GDA: variants seen among roughly 807,000 people sequenced by gnomAD.
GDA encodes cytoplasmic PSD-95 interactor.
GDA carries 18 observed loss-of-function variants against 59.6 expected under a neutral mutation model. The observed-to-expected ratio is 0.30, with a 90% confidence interval of 0.21 to 0.45. GDA has a LOEUF of 0.45. GDA is among the 20% of genes least tolerant of loss of function. GDA has a pLI of 1.00. For missense variants in GDA, 427 were observed against 552.3 expected (o/e 0.77, Z 2.27); for synonymous variants, 201 against 201.1 (o/e 1.00, Z 0.00).
intron 1 of GDA, among the ~76,000 whole-genome samples, chr9:72,119,029 A>G (rs1825568003): frequency 6.6e-6 from 1 of 152,210 alleles, no homozygotes; most frequent in Admixed American, 6.5e-5. Context: ...AAATGATTAA[A>G]AAAGAAAACA....
intron 7 of GDA, among the ~76,000 whole-genome samples, chr9:72,223,744 C>T (rs934780253): frequency 6.6e-6 from 1 of 152,176 alleles, no homozygotes; most frequent in African/African-American, 2.4e-5. Flanking sequence ...CTTGCTTTGT[C>T]ATTAAATTGT....
intron 1 of GDA, among the ~76,000 whole-genome samples, chr9:72,186,521 C>T (rs1831879182): frequency 6.6e-6 from 1 of 152,154 alleles, no homozygotes; most frequent in Admixed American, 6.5e-5. Flanking sequence ...TTTATTTTCA[C>T]CATAACCCTC....
intron 12 of GDA, 84 bp downstream of exon 12, chr9:72,245,362 G>T (rs747790220): frequency 8.0e-6 from 8 of 1,003,170 alleles, no homozygotes; most frequent in Non-Finnish European, 1.1e-5. Flanking sequence ...AATAGAAACC[G>T]AAACTTTTTA....
chr9:72,175,270 G>A (rs988223441), intron 1 of GDA, among the ~76,000 whole-genome samples: 3 of 152,092 alleles, frequency 2.0e-5, no homozygotes, highest in African/African-American at 7.2e-5. Context: ...GAGCTCAAGC[G>A]ATCTTCCTGC....
chr9:72,139,344 C>T (rs139486638), intron 1 of GDA, among the ~76,000 whole-genome samples: 1 of 152,242 alleles, frequency 6.6e-6, no homozygotes, highest in African/African-American at 2.4e-5. Context: ...CATTGAAATA[C>T]ATATATCAAA....
At chr9:72,242,376 A>T (rs1372752396) in intron 11 of GDA, among the ~76,000 whole-genome samples, 1 of 152,246 alleles carries the variant, frequency 6.6e-6, no homozygotes, top group Non-Finnish European at 1.5e-5. Flanking sequence ...GGAAAAAAAT[A>T]AAAATTGGTC....
intron 3 of GDA, among the ~76,000 whole-genome samples, chr9:72,208,934 TAG>T (rs1835038661): frequency 1.3e-5 from 2 of 152,230 alleles, no homozygotes; most frequent in Admixed American, 6.5e-5. Flanking sequence ...ACCTATATAA[TAG>T]AGCGTTTTCT....
intron 1 of GDA, among the ~76,000 whole-genome samples, chr9:72,187,748 AC>A (rs1479041064): frequency 1.3e-5 from 2 of 152,216 alleles, no homozygotes; most frequent in Non-Finnish European, 2.9e-5. Flanking sequence ...AGAAGAGAAG[AC>A]TGGGGAAAGT....
intron 1 of GDA, among the ~76,000 whole-genome samples, chr9:72,144,022 G>A (rs1826535404): frequency 6.6e-6 from 1 of 152,152 alleles, no homozygotes; most frequent in Non-Finnish European, 1.5e-5. Flanking sequence ...AGAAGTTCGA[G>A]ACCAGCCTGG....
intron 1 of GDA, among the ~76,000 whole-genome samples, chr9:72,128,243 G>C (rs1825912891): frequency 6.6e-6 from 1 of 152,148 alleles, no homozygotes; most frequent in South Asian, 2.1e-4. Context: ...CCATATCTTA[G>C]TGAAAGTGGC....
At chr9:72,216,078 T>C (rs548070460) in intron 5 of GDA, among the ~76,000 whole-genome samples, 1 of 152,192 alleles carries the variant, frequency 6.6e-6, no homozygotes, top group South Asian at 2.1e-4. Context: ...CAAGGGACAA[T>C]AGAAGCCTTG....
chr9:72,163,615 C>T (rs1291611541), intron 1 of GDA, among the ~76,000 whole-genome samples: 1 of 152,028 alleles, frequency 6.6e-6, no homozygotes, highest in Non-Finnish European at 1.5e-5. Context: ...GCCTCAGCCT[C>T]CCCAGTAGCT....
chr9:72,207,777 C>T (rs1834895352), intron 3 of GDA, among the ~76,000 whole-genome samples: 1 of 152,054 alleles, frequency 6.6e-6, no homozygotes, highest in Non-Finnish European at 1.5e-5. Context: ...ACTTTTGGGG[C>T]TAACCAATAT....
chr9:72,198,576 A>T (rs13286309), intron 2 of GDA, among the ~76,000 whole-genome samples: 11 of 151,740 alleles, frequency 7.2e-5, no homozygotes, highest in African/African-American at 1.2e-4. Context: ...TGAACAAAAT[A>T]CCAACATTTT....
chr9:72,223,096 T>C (rs764594810), intron 6 of GDA, 24 bp from the exon 7 acceptor site: 1 of 1,099,018 alleles, frequency 9.1e-7, no homozygotes, highest in Non-Finnish European at 1.4e-6. Context: ...GGAAGAGGTA[T>C]CAATTGTTTT....
intron 2 of GDA, among the ~76,000 whole-genome samples, chr9:72,196,837 G>A (rs371441876): frequency 6.7e-6 from 1 of 148,752 alleles, no homozygotes; most frequent in East Asian, 2.0e-4. Context: ...ATGAGAACAT[G>A]CGGTGTTTGG....
intron 10 of GDA, among the ~76,000 whole-genome samples, chr9:72,236,988 C>A (rs1305345815): frequency 6.6e-6 from 1 of 152,040 alleles, no homozygotes; most frequent in Non-Finnish European, 1.5e-5. Context: ...ACATGTTGGT[C>A]AGTCTGGTCT....
intron 10 of GDA, among the ~76,000 whole-genome samples, chr9:72,236,776 ATTT>A (rs201065067): frequency 0.019 from 1,967 of 101,408 alleles, 28 homozygotes; most frequent in African/African-American, 0.05. Context: ...AACCACTCCT[ATTT>A]TTTTTTTTTT....
At position 72,249,763 on chromosome 9, in the gene GDA, CT is replaced by C; in HGVS notation, c.*1423del. ...TATATTATAACACTCATTCCTAGAG[CT>C]TAGGGGTGACTCTTTAATATTACCT... is the stretch of plus-strand genomic sequence containing the variant. On this transcript the variant is annotated 3_prime_UTR_variant, in exon 14 of 14. Transcript: ENST00000358399. 1.2e-6 allele frequency: 1 copy of C among 849,882 alleles called. No individual in the cohort carries two copies. The highest frequency in any genetic ancestry group is 1.8e-5 in the African/African-American group (1 of 54,540). The allele number at this position is 849,882 out of a possible 1,614,324, so 52.6% of individuals were successfully genotyped here. A position where few individuals can be genotyped will look rare whatever the true frequency, so the allele number is the denominator to read the frequency against.
Sources: gnomAD v4.1 joint callset for allele counts (sites outside exome capture counted in the v4.1 genomes callset) on GRCh38, gnomAD v4.1.1 for gene constraint, MANE v1.5 for transcripts, NCBI Gene and HGNC (gene_info 2026-07-23, HGNC 2026-07-21) for gene names.